CNTN6: variants seen among roughly 807,000 people sequenced by gnomAD.
The protein encoded by CNTN6 is contactin 6.
In CNTN6, 137 loss-of-function variants were observed where a neutral mutation model predicts 122.8. The ratio of observed to expected loss-of-function variants is 1.12; its 90% CI spans 0.97 to 1.29. The LOEUF (loss-of-function observed/expected upper bound fraction) is 1.29. Among genes scored for constraint, CNTN6 ranks in the 50% most tolerant of loss-of-function variants. The pLI is 0.00. For missense variants in CNTN6, 1,634 were observed against 1,223.4 expected, an observed-to-expected ratio of 1.34 and a Z score of -5.01; for synonymous variants, 570 against 426.0, an observed-to-expected ratio of 1.34 and a Z score of -4.16.
chr3:1,237,985 A>T (rs570866470), intron 4 of CNTN6, among the ~76,000 whole-genome samples: 3 of 151,942 alleles, frequency 2.0e-5, no homozygotes, highest in Non-Finnish European at 4.4e-5. Flanking sequence ...ACAATAACAC[A>T]ATGTTTAAAA....
intron 19 of CNTN6, among the ~76,000 whole-genome samples, chr3:1,384,812 CATATATAT>C (rs60437325): frequency 5.9e-5 from 7 of 118,498 alleles, no homozygotes; most frequent in South Asian, 5.2e-4. Context: ...CACACACACA[CATATATAT>C]ATATATATAT....
chr3:1,383,014 A>C lies in CNTN6; in HGVS notation c.2239A>C (p.Thr747Pro). The change falls in exon 18 of 23, where the codon ACC becomes CCC. Residue 747 changes from threonine (T) to proline (P), a missense_variant. Transcript: ENST00000446702. ...CATGTTCCGGCCAGTGGGCTCGACA[A>C]CCTGGTCCAAGGAGAAAGTGTCATC... ...IIMFRPVGST[T>P]WSKEKVSSVE... 3 of 1,614,122 alleles carry C rather than the reference A, an allele frequency of 1.9e-6. No individual in the cohort carries two copies. The highest frequency in any genetic ancestry group is 2.5e-6 in the Non-Finnish European group (3 of 1,179,962).
chr3:1,355,723 G>A (rs752674514), intron 12 of CNTN6, among the ~76,000 whole-genome samples: 8 of 151,694 alleles, frequency 5.3e-5, no homozygotes, highest in Non-Finnish European at 1.2e-4. Flanking sequence ...AGGAGCAAAT[G>A]AGAAATCTCA....
At chr3:1,285,056 C>G (rs1694104790) in intron 5 of CNTN6, among the ~76,000 whole-genome samples, 1 of 152,144 alleles carries the variant, frequency 6.6e-6, no homozygotes, top group Non-Finnish European at 1.5e-5. Flanking sequence ...TAAAAATTTA[C>G]TCTGGATAGT....
Position 1,162,981 on chromosome 3 carries a change from G to A in CNTN6, c.55+14918G>A, listed in dbSNP as rs140776331. The stretch of plus-strand genomic sequence containing the variant: ...GAAAATCATCTGTGCCTAGGGACTG[G>A]CCTGGCAGCCTCTTGTTTTCTGTTT... On this transcript the variant is annotated intron_variant, in intron 2 of 22. Coordinates refer to ENST00000446702, the MANE Select transcript of CNTN6 (RefSeq NM_001289080.2). Among the ~76,000 whole-genome samples, 349 of 152,272 alleles carry A rather than the reference G, an allele frequency of 2.3e-3. 4 individuals are homozygous for A. Among genetic ancestry groups the A allele is most frequent in the African/African-American group, 8.1e-3 (338 of 41,554 alleles).
intron 2 of CNTN6, among the ~76,000 whole-genome samples, chr3:1,183,109 G>A (rs778221286): frequency 3.9e-5 from 6 of 152,212 alleles, no homozygotes; most frequent in Middle Eastern, 3.4e-3. Flanking sequence ...GAACTGTCCG[G>A]TATACGAAGA....
At chr3:1,337,159 T>C (rs1162954191) in intron 11 of CNTN6, among the ~76,000 whole-genome samples, 2 of 152,156 alleles carry the variant, frequency 1.3e-5, no homozygotes, top group Non-Finnish European at 2.9e-5. Flanking sequence ...CTAAGTTATG[T>C]GGACAAAGCA....
At chr3:1,179,147 G>C (rs1032671) in intron 2 of CNTN6, among the ~76,000 whole-genome samples, 2 of 151,718 alleles carry the variant, frequency 1.3e-5, no homozygotes, top group Non-Finnish European at 2.9e-5. Flanking sequence ...TATCAGGCTC[G>C]TTTTAAACAA....
At position 1,401,068 on chromosome 3, in the gene CNTN6, A is replaced by G. The variant is rs1695631770; in HGVS notation, c.2705-365A>G. Among the ~76,000 whole-genome samples the G allele has an allele frequency of 2.6e-5, 4 of 152,130 alleles. No individual in the cohort carries two copies. The South Asian group carries it at 8.3e-4, about 31-fold the overall frequency. On this transcript the variant is annotated intron_variant, in intron 20 of 22. Transcript: ENST00000446702. ...GTGTTGATATATATAAAATGTTTGC[A>G]ACTTGAATTTGCCAAACATGCTCAT...
At chr3:1,109,951 C>T (rs1206964704) in intron 1 of CNTN6, among the ~76,000 whole-genome samples, 1 of 151,882 alleles carries the variant, frequency 6.6e-6, no homozygotes, top group Non-Finnish European at 1.5e-5. Flanking sequence ...TAGCTGGGTC[C>T]CTACTGCTGA....
At chr3:1,246,539 G>C (rs2094585407) in intron 4 of CNTN6, among the ~76,000 whole-genome samples, 1 of 152,000 alleles carries the variant, frequency 6.6e-6, no homozygotes. Context: ...TTTCTCTGTT[G>C]TATATACCAG....
At chr3:1,242,401 A>C (rs2094497788) in intron 4 of CNTN6, among the ~76,000 whole-genome samples, 1 of 152,116 alleles carries the variant, frequency 6.6e-6, no homozygotes, top group Non-Finnish European at 1.5e-5. Flanking sequence ...TAAGGCGCAG[A>C]TCCTGAACTA....
At chr3:1,348,868 C>CA (rs1356551705) in intron 11 of CNTN6, among the ~76,000 whole-genome samples, 1 of 151,910 alleles carries the variant, frequency 6.6e-6, no homozygotes, top group African/African-American at 2.4e-5. Flanking sequence ...GATGAGTTGA[C>CA]ATTTATTACA....
At chr3:1,228,105 C>T (rs2094308455) in intron 4 of CNTN6, 112 bp downstream of exon 4, 4 of 937,038 alleles carry the variant, frequency 4.3e-6, no homozygotes, top group African/African-American at 1.7e-5. Context: ...ATGAATATGA[C>T]TTTATGGGCT....
chr3:1,206,053 C>T (rs551787500), intron 2 of CNTN6, among the ~76,000 whole-genome samples: 3 of 152,254 alleles, frequency 2.0e-5, no homozygotes, highest in African/African-American at 7.2e-5. Flanking sequence ...CATTGAAAGG[C>T]AGGGTTAATC....
At chr3:1,388,385 G>A (rs1440827299) in intron 20 of CNTN6, among the ~76,000 whole-genome samples, 1 of 149,448 alleles carries the variant, frequency 6.7e-6, no homozygotes, top group Non-Finnish European at 1.5e-5. Context: ...CAAACAGAAA[G>A]GACATCCACA....
intron 4 of CNTN6, among the ~76,000 whole-genome samples, chr3:1,244,674 A>C (rs898892754): frequency 2.0e-5 from 3 of 152,148 alleles, no homozygotes; most frequent in African/African-American, 7.2e-5. Flanking sequence ...GTGAGCAATA[A>C]AGCTGTTTAT....
intron 4 of CNTN6, among the ~76,000 whole-genome samples, chr3:1,273,557 C>A (rs1195574507): frequency 6.6e-6 from 1 of 152,136 alleles, no homozygotes; most frequent in East Asian, 1.9e-4. Flanking sequence ...GTACAATAGA[C>A]CTTGTTCAAA....
chr3:1,397,296 T>C (rs1695107274), intron 20 of CNTN6, among the ~76,000 whole-genome samples: 1 of 152,144 alleles, frequency 6.6e-6, no homozygotes, highest in South Asian at 2.1e-4. Flanking sequence ...AACTAAGATG[T>C]ACATAAGGAG....
Sources: gnomAD v4.1 joint callset for allele counts (sites outside exome capture counted in the v4.1 genomes callset) on GRCh38, gnomAD v4.1.1 for gene constraint, MANE v1.5 for transcripts, NCBI Gene and HGNC (gene_info 2026-07-23, HGNC 2026-07-21) for gene names.